The following DNAAF5 variants were observed in gnomAD, a reference collection of about 807,000 sequenced individuals.
DNAAF5 encodes the protein HEAT repeat containing 2.
Under a neutral mutation model 75.8 loss-of-function variants are expected in DNAAF5, and 64 were observed. The ratio of observed to expected loss-of-function variants is 0.84; its 90% CI spans 0.69 to 1.04. The LOEUF is 1.04. DNAAF5 is among the 50% of genes least tolerant of loss of function. The pLI, the probability that DNAAF5 is intolerant of heterozygous loss-of-function variation, is 0.00. For missense variants in DNAAF5, 1,269 were observed against 1,178.5 expected (o/e 1.08, Z -1.12); for synonymous variants, 657 against 557.2 (o/e 1.18, Z -2.52).
chr7:739,827 G>A (rs574537709), intron 2 of DNAAF5, among the ~76,000 whole-genome samples: 222 of 152,292 alleles, frequency 1.5e-3, no homozygotes, highest in African/African-American at 4.7e-3. Context: ...TGTTGGAGCC[G>A]GGGCGGAGCA....
At chr7:774,025 C>T in intron 9 of DNAAF5, 23 bp from the exon 10 acceptor site, 2 of 1,614,000 alleles carry the variant, frequency 1.2e-6, no homozygotes, top group East Asian at 2.2e-5. Context: ...TCTCCTCATC[C>T]ACCCTCTCCG....
intron 12 of DNAAF5, among the ~76,000 whole-genome samples, chr7:781,848 T>C (rs1291896146): frequency 6.6e-6 from 1 of 152,260 alleles, no homozygotes; most frequent in African/African-American, 2.4e-5. Context: ...TATTAGATTG[T>C]CTGCTATTGA....
At chr7:734,300 A>G (rs926701677) in intron 2 of DNAAF5, among the ~76,000 whole-genome samples, 2 of 152,126 alleles carry the variant, frequency 1.3e-5, no homozygotes, top group Non-Finnish European at 1.5e-5. Flanking sequence ...GAAGATTTTT[A>G]TCATGTAGGG....
chr7:775,921 T>TA (rs1226522986), intron 11 of DNAAF5, among the ~76,000 whole-genome samples: 1 of 152,234 alleles, frequency 6.6e-6, no homozygotes, highest in Non-Finnish European at 1.5e-5. Context: ...TGCCTTTTTT[T>TA]ATCAGAGACT....
chr7:782,438 C>G (rs1335170764), intron 12 of DNAAF5, among the ~76,000 whole-genome samples: 1 of 137,644 alleles, frequency 7.3e-6, no homozygotes, highest in Non-Finnish European at 1.6e-5. Flanking sequence ...AAACTCGCAT[C>G]TTCCTGGTGT....
chr7:727,397 C>T, intron 1 of DNAAF5, 82 bp downstream of exon 1: 1 of 786,520 alleles, frequency 1.3e-6, no homozygotes, highest in Non-Finnish European at 1.7e-6. Context: ...CTCACAACCC[C>T]CGCGGCTCGG....
At chr7:746,961 C>T (rs925588032) in intron 4 of DNAAF5, among the ~76,000 whole-genome samples, 2 of 152,224 alleles carry the variant, frequency 1.3e-5, no homozygotes. Flanking sequence ...ATGCATGGCA[C>T]CTGTGTCTGC....
chr7:782,380 G>C (rs1055639171), intron 12 of DNAAF5, among the ~76,000 whole-genome samples: 1 of 150,370 alleles, frequency 6.7e-6, no homozygotes, highest in Non-Finnish European at 1.5e-5. Context: ...CGCGGCGTCA[G>C]AAACTCGCAT....
chr7:732,479 G>T (rs1450151550), intron 2 of DNAAF5: 1 of 451,852 alleles, frequency 2.2e-6, no homozygotes, highest in Non-Finnish European at 4.5e-6. Context: ...TTTCCTGCTC[G>T]ATGTGTGCTG....
In DNAAF5 at chr7:729,825, G is replaced by A. The variant is rs545123585; in HGVS notation, c.758G>A (p.Arg253Gln). The change falls in exon 2 of 13, where the codon CGA becomes CAA. Residue 253 changes from arginine to glutamine, a missense_variant. Arg to Gln is a conservative substitution (Grantham distance 43). Coordinates refer to ENST00000297440, the MANE Select transcript of DNAAF5 (RefSeq NM_017802.4). ...VDDVLSHFAQ[R>Q]LFDDVPQVRR... ...GACGTGCTTTCCCATTTTGCTCAGC[G>A]ACTGTTTGATGACGTCCCGCAGGTA... The A allele has an allele frequency of 5.6e-6, 9 of 1,614,224 alleles. No homozygotes were observed. In the Admixed American group the frequency reaches 6.7e-5, roughly 12 times the overall value.
chr7:739,547 G>A (rs943008109), intron 2 of DNAAF5, among the ~76,000 whole-genome samples: 12 of 152,206 alleles, frequency 7.9e-5, no homozygotes, highest in African/African-American at 2.4e-4. Context: ...CCCGGCAAAC[G>A]CGCCACACAT....
At chr7:769,618 T>C (rs1212928674) in intron 8 of DNAAF5, among the ~76,000 whole-genome samples, 1 of 152,272 alleles carries the variant, frequency 6.6e-6, no homozygotes, top group Non-Finnish European at 1.5e-5. Flanking sequence ...TGCTTGACTT[T>C]AATTTTTCAA....
At position 763,942 on chromosome 7, in the gene DNAAF5, T is replaced by C; in HGVS notation, c.1751T>C (p.Leu584Pro). 36 of 1,607,364 alleles carry C rather than the reference T, an allele frequency of 2.2e-5. No homozygotes were observed. Among genetic ancestry groups the C allele is most frequent in the Non-Finnish European group, 3.1e-5 (36 of 1,180,000 alleles). Residue 584 changes from leucine (L) to proline (P), a missense_variant, in exon 8 of 13, where the codon CTC becomes CCC. Transcript: ENST00000297440. ...HLDWTAHSPE[L>P]LQFSVIVAQS... ...GACTGGACCGCACACTCGCCGGAGC[T>C]CCTGCAGTTCAGTGTCATCGTCGCA... is the stretch of plus-strand genomic sequence containing the variant.
intron 4 of DNAAF5, among the ~76,000 whole-genome samples, chr7:743,561 C>CAAGT (rs1319297249): frequency 6.6e-6 from 1 of 151,126 alleles, no homozygotes; most frequent in Non-Finnish European, 1.5e-5. Context: ...ACAGGGAAAG[C>CAAGT]ACACATGTTT....
chr7:729,641 T>TG (rs779370093), intron 1 of DNAAF5, 22 bp from the exon 2 acceptor site: 5 of 1,606,984 alleles, frequency 3.1e-6, no homozygotes, highest in Non-Finnish European at 4.3e-6. Flanking sequence ...CTCTGGTAAC[T>TG]GGGGGCCTCC....
At position 740,959 on chromosome 7, in the gene DNAAF5, G is replaced by C. The variant is rs1462774065; in HGVS notation, c.905+16G>C. On this transcript the variant is annotated intron_variant, in intron 3 of 12. Transcript: ENST00000297440. ...CTGAGGTCAGGTACGTGGGCAGGCG[G>C]CCGCGGGCCTTGTCTTCCTAAACGG... is the stretch of plus-strand genomic sequence containing the variant. 1 of 1,610,690 alleles carries C rather than the reference G, an allele frequency of 6.2e-7. No individual in the cohort carries two copies. The highest frequency in any genetic ancestry group is 8.5e-7 in the Non-Finnish European group (1 of 1,179,832).
chr7:775,293 C>T lies in DNAAF5; in HGVS notation c.2239+131C>T, dbSNP rs980603333. On this transcript the variant is annotated intron_variant, in intron 11 of 12. Coordinates refer to ENST00000297440, the MANE Select transcript of DNAAF5 (RefSeq NM_017802.4). ...CTCGGGCTGGGTGTGGTGGTTCACA[C>T]CTTTAATTCCAGCACTTTAGGCAGG... 2.8e-5 allele frequency: 23 copies of T among 820,532 alleles called. No homozygotes were observed. The African/African-American group carries it at 3.1e-4, about 11-fold the overall frequency. The allele number at this position is 820,532 out of a possible 1,614,324, so 50.8% of individuals were successfully genotyped here. A position where few individuals can be genotyped will look rare whatever the true frequency, so the allele number is the denominator to read the frequency against.
chr7:786,206 G>GT lies in DNAAF5; in HGVS notation c.*554dup, dbSNP rs1431050677. 3 of 152,586 alleles carry GT rather than the reference G, an allele frequency of 2.0e-5. No individual in the cohort carries two copies. The highest frequency in any genetic ancestry group is 7.2e-5 in the African/African-American group (3 of 41,428). The allele number at this position is 152,586 out of a possible 1,614,324, so 9.5% of individuals were successfully genotyped here. A position where few individuals can be genotyped will look rare whatever the true frequency, so the allele number is the denominator to read the frequency against. Reference sequence around the variant, plus strand: ...TTTAAAGGTTATATGTCCGGTCACCGTATGTTTTAAGTCGGTGTTAATGCT... The same window carrying GT: ...TTTAAAGGTTATATGTCCGGTCACCGTTATGTTTTAAGTCGGTGTTAATGCT... On this transcript the variant is annotated 3_prime_UTR_variant, in exon 13 of 13. Transcript: ENST00000297440.
At chr7:747,046 G>A (rs183431331) in intron 4 of DNAAF5, among the ~76,000 whole-genome samples, 6 of 152,210 alleles carry the variant, frequency 3.9e-5, no homozygotes, top group Non-Finnish European at 7.3e-5. Context: ...GGGCATATTC[G>A]GGTCCTTTCT....
Sources: gnomAD v4.1 joint callset for allele counts (sites outside exome capture counted in the v4.1 genomes callset) on GRCh38, gnomAD v4.1.1 for gene constraint, MANE v1.5 for transcripts, NCBI Gene and HGNC (gene_info 2026-07-23, HGNC 2026-07-21) for gene names.